DOCK7: variants seen among roughly 807,000 people sequenced by gnomAD.
The protein encoded by DOCK7 is dedicator of cytokinesis protein 7.
In DOCK7, 138 loss-of-function variants were observed where a neutral mutation model predicts 271.0. The observed-to-expected ratio is 0.51, with a 90% CI of 0.44 to 0.59. The LOEUF is 0.59. Among genes scored for constraint, DOCK7 ranks in the 20% least tolerant of loss-of-function variants. The pLI is 0.00. For missense variants in DOCK7, 2,066 were observed against 2,592.4 expected (o/e 0.80, Z 4.41); for synonymous variants, 823 against 876.1 (o/e 0.94, Z 1.07).
chr1:62,492,937 C>A, intron 40 of DOCK7, 90 bp from the exon 41 acceptor site: 1 of 1,091,424 alleles, frequency 9.2e-7, no homozygotes. Flanking sequence ...TGAACTGTAA[C>A]TATCAGGTTA....
rs1391273805 is a variant in DOCK7 at position 62,673,937 on chromosome 1, CAAGG to C, written c.39-10811_39-10808del. On this transcript the variant is annotated intron_variant, in intron 1 of 49. Coordinates refer to ENST00000635253, the MANE Select transcript of DOCK7 (RefSeq NM_001367561.1). ...AGAGAGGAAGGAAAAGGGAAGGAAG[CAAGG>C]AAGGGAGGGGGAAGGGGGGGAGGTA... Among the ~76,000 whole-genome samples, 4 of 96,518 alleles carry C rather than the reference CAAGG, an allele frequency of 4.1e-5. No individual in the cohort carries two copies. In the East Asian group the frequency reaches 1.2e-3, roughly 28 times the overall value. 63.3% of individuals were successfully genotyped at this position (96,518 alleles called of 152,430 possible).
At chr1:62,670,633 T>G (rs1344492475) in intron 1 of DOCK7, among the ~76,000 whole-genome samples, 1 of 152,182 alleles carries the variant, frequency 6.6e-6, no homozygotes, top group African/African-American at 2.4e-5. Flanking sequence ...TGTATCTAGC[T>G]GCTCTGGTGG....
At chr1:62,586,764 G>A (rs1002480369) in intron 14 of DOCK7, 140 bp from the exon 15 acceptor site, 9 of 483,738 alleles carry the variant, frequency 1.9e-5, no homozygotes, top group African/African-American at 1.6e-4. Context: ...TTTCACATGT[G>A]ACGTTTTATT....
intron 12 of DOCK7, among the ~76,000 whole-genome samples, chr1:62,622,661 C>A (rs1294627917): frequency 1.3e-5 from 2 of 152,064 alleles, no homozygotes; most frequent in African/African-American, 4.8e-5. Context: ...CCAGGCACGG[C>A]GTCTCACGCC....
chr1:62,587,191 T>C (rs1647663767), intron 14 of DOCK7, among the ~76,000 whole-genome samples: 1 of 151,726 alleles, frequency 6.6e-6, no homozygotes, highest in Non-Finnish European at 1.5e-5. Context: ...CTAATTTGCA[T>C]TTATTTGAAT....
At chr1:62,526,447 A>G (rs1645010027) in intron 31 of DOCK7, among the ~76,000 whole-genome samples, 1 of 152,190 alleles carries the variant, frequency 6.6e-6, no homozygotes, top group African/African-American at 2.4e-5. Context: ...GGAGAACAGA[A>G]ATTCTTATTC....
intron 48 of DOCK7, among the ~76,000 whole-genome samples, chr1:62,466,594 A>G (rs1645683672): frequency 6.6e-6 from 1 of 152,196 alleles, no homozygotes; most frequent in South Asian, 2.1e-4. Context: ...CAGAACCCCA[A>G]GTTTAACACC....
At chr1:62,610,285 CA>C in intron 14 of DOCK7, among the ~76,000 whole-genome samples, 1 of 151,626 alleles carries the variant, frequency 6.6e-6, no homozygotes, top group East Asian at 1.9e-4. Context: ...AAAATAAAAA[CA>C]AAAACCAATA....
At chr1:62,624,538 C>G (rs1270255089) in intron 12 of DOCK7, among the ~76,000 whole-genome samples, 1 of 152,102 alleles carries the variant, frequency 6.6e-6, no homozygotes, top group African/African-American at 2.4e-5. Flanking sequence ...CTCCTAGGGC[C>G]TGAAAGTTCT....
chr1:62,618,958 A>G, intron 13 of DOCK7, 90 bp from the exon 14 acceptor site: 1 of 1,230,648 alleles, frequency 8.1e-7, no homozygotes, highest in East Asian at 2.4e-5. Flanking sequence ...CTATTTTTGC[A>G]AGAAGTCTGG....
chr1:62,471,053 CCACTTA>C (rs1645816973), intron 48 of DOCK7, among the ~76,000 whole-genome samples: 1 of 152,152 alleles, frequency 6.6e-6, no homozygotes, highest in Non-Finnish European at 1.5e-5. Context: ...TGATCCACTT[CCACTTA>C]ATGAAGAGTA....
At chr1:62,519,006 T>TACAA (rs1644762552) in intron 31 of DOCK7, among the ~76,000 whole-genome samples, 1 of 148,130 alleles carries the variant, frequency 6.8e-6, no homozygotes, top group Non-Finnish European at 1.5e-5. Context: ...AGTCATGCTA[T>TACAA]ACACACACAC....
At chr1:62,572,816 T>C (rs1055988770) in intron 18 of DOCK7, among the ~76,000 whole-genome samples, 1 of 152,158 alleles carries the variant, frequency 6.6e-6, no homozygotes, top group Non-Finnish European at 1.5e-5. Flanking sequence ...ATCTGTTCCA[T>C]AGCAGAGAGA....
chr1:62,628,899 C>A (rs1156917883), intron 11 of DOCK7: 1 of 152,048 alleles, frequency 6.6e-6, no homozygotes, highest in Non-Finnish European at 1.5e-5. Context: ...AATAAAAAGA[C>A]CAAAGCCATT....
chr1:62,598,845 C>T (rs763866504), intron 14 of DOCK7: 23 of 1,255,236 alleles, frequency 1.8e-5, no homozygotes, highest in Non-Finnish European at 2.6e-5. Context: ...ATCTTTCACA[C>T]AGGTCTGTAA....
intron 18 of DOCK7, among the ~76,000 whole-genome samples, chr1:62,568,141 T>G (rs1468818174): frequency 1.3e-5 from 2 of 151,930 alleles, no homozygotes; most frequent in African/African-American, 4.8e-5. Context: ...CAATTGCTCC[T>G]GAATGACTGT....
intron 7 of DOCK7, chr1:62,641,646 C>T (rs1050870493): frequency 5.3e-5 from 24 of 454,250 alleles, no homozygotes; most frequent in African/African-American, 4.4e-4. Flanking sequence ...CCCAGCAGTA[C>T]CTGCTTGGCC....
chr1:62,632,502 C>T (rs1182862762), intron 10 of DOCK7, among the ~76,000 whole-genome samples: 1 of 152,098 alleles, frequency 6.6e-6, no homozygotes, highest in East Asian at 1.9e-4. Flanking sequence ...AATAGCAAAA[C>T]ATTTTCTGGG....
At chr1:62,658,631 T>C (rs750021248) in intron 2 of DOCK7, among the ~76,000 whole-genome samples, 1 of 152,008 alleles carries the variant, frequency 6.6e-6, no homozygotes, top group Non-Finnish European at 1.5e-5. Flanking sequence ...ACCTGGAATT[T>C]TAGATCCTGC....
Sources: gnomAD v4.1 joint callset for allele counts (sites outside exome capture counted in the v4.1 genomes callset) on GRCh38, gnomAD v4.1.1 for gene constraint, MANE v1.5 for transcripts, NCBI Gene and HGNC (gene_info 2026-07-23, HGNC 2026-07-21) for gene names.